Variants in AFG2A observed in about 807,000 individuals in gnomAD.
AFG2A encodes the protein AAA ATPase AFG2A.
At chr4:123,306,226 C>T in the AFG2A span, among the ~76,000 whole-genome samples, 3 of 152,278 alleles carry the variant, frequency 2.0e-5, no homozygotes, top group East Asian at 1.9e-4. Context: ...TCTTTTCCTA[C>T]GTCCTAGGAA....
the AFG2A span, among the ~76,000 whole-genome samples, chr4:123,227,177 A>AT: frequency 2.0e-5 from 3 of 152,006 alleles, no homozygotes; most frequent in Admixed American, 6.6e-5. Context: ...GGATTCATTG[A>AT]TTTTTTGAAA....
chr4:123,196,904 G>A, the AFG2A span, among the ~76,000 whole-genome samples: 2 of 152,126 alleles, frequency 1.3e-5, no homozygotes, highest in East Asian at 3.9e-4. Flanking sequence ...TGTATAAAAT[G>A]AGTTGAAAAG....
chr4:123,101,155 A>C, the AFG2A span, among the ~76,000 whole-genome samples: 2 of 151,914 alleles, frequency 1.3e-5, no homozygotes, highest in Non-Finnish European at 2.9e-5. Flanking sequence ...AATTGTTTAA[A>C]GTATCTAGTT....
the AFG2A span, among the ~76,000 whole-genome samples, chr4:123,136,440 G>A: frequency 6.6e-6 from 1 of 151,950 alleles, no homozygotes; most frequent in African/African-American, 2.4e-5. Flanking sequence ...AGGCCTAGAC[G>A]GGCGGATCAC....
chr4:122,958,031 A>G, the AFG2A span, among the ~76,000 whole-genome samples: 1 of 152,164 alleles, frequency 6.6e-6, no homozygotes, highest in African/African-American at 2.4e-5. Flanking sequence ...AGTTGAGCTT[A>G]GTTTTGTTTG....
the AFG2A span, chr4:123,028,053 A>T: frequency 2.8e-6 from 2 of 703,838 alleles, no homozygotes; most frequent in Non-Finnish European, 2.3e-6. Context: ...GGAATTTTTT[A>T]AAGGATTTTC....
At chr4:122,989,537 C>T in the AFG2A span, among the ~76,000 whole-genome samples, 5 of 152,134 alleles carry the variant, frequency 3.3e-5, no homozygotes, top group Non-Finnish European at 7.4e-5. Context: ...GCCTTGAATT[C>T]AGGACCATAG....
chr4:123,265,217 A>C, the AFG2A span, among the ~76,000 whole-genome samples: 2 of 152,086 alleles, frequency 1.3e-5, no homozygotes, highest in East Asian at 3.8e-4. Flanking sequence ...ATGCTTTTCA[A>C]CTTCCTTAAG....
the AFG2A span, among the ~76,000 whole-genome samples, chr4:123,082,270 T>G: frequency 6.6e-6 from 1 of 152,156 alleles, no homozygotes; most frequent in Non-Finnish European, 1.5e-5. Flanking sequence ...GTGTTTTACA[T>G]GTAGGTCTGT....
chr4:123,118,399 A>G, the AFG2A span, among the ~76,000 whole-genome samples: 3 of 146,886 alleles, frequency 2.0e-5, no homozygotes, highest in Middle Eastern at 3.2e-3. Flanking sequence ...CCAGTTATAT[A>G]CAATGCAGGA....
At chr4:123,007,594 G>GTGTGTGT in the AFG2A span, among the ~76,000 whole-genome samples, 9 of 23,722 alleles carry the variant, frequency 3.8e-4, no homozygotes, top group South Asian at 1.4e-3. Flanking sequence ...GTGTGTGTGT[G>GTGTGTGT]TGTGTGTGTG....
At chr4:123,167,257 TGTAG>T in the AFG2A span, among the ~76,000 whole-genome samples, 1 of 149,620 alleles carries the variant, frequency 6.7e-6, no homozygotes, top group Non-Finnish European at 1.5e-5. Context: ...TATACTTATA[TGTAG>T]GTATCTATAT....
chr4:122,927,682 G>A, the AFG2A span: 4 of 1,612,606 alleles, frequency 2.5e-6, no homozygotes, highest in East Asian at 8.9e-5. Flanking sequence ...ATTCATCTTG[G>A]ACTCAACACT....
the AFG2A span, among the ~76,000 whole-genome samples, chr4:123,134,670 A>G: frequency 5.3e-5 from 8 of 149,766 alleles, no homozygotes; most frequent in Non-Finnish European, 7.4e-5. Flanking sequence ...CATGTAACCT[A>G]GAAAAATGGA....
At chr4:123,262,384 A>G in the AFG2A span, among the ~76,000 whole-genome samples, 1 of 152,222 alleles carries the variant, frequency 6.6e-6, no homozygotes, top group African/African-American at 2.4e-5. Flanking sequence ...AAAGTCAAGC[A>G]AAAGAAATTG....
At chr4:123,216,083 G>T in the AFG2A span, among the ~76,000 whole-genome samples, 1 of 152,076 alleles carries the variant, frequency 6.6e-6, no homozygotes, top group Non-Finnish European at 1.5e-5. Context: ...TGGTAATTAA[G>T]TATTATAGAC....
chr4:123,254,440 C>A, the AFG2A span, among the ~76,000 whole-genome samples: 1 of 151,936 alleles, frequency 6.6e-6, no homozygotes, highest in Non-Finnish European at 1.5e-5. Context: ...TATCTTTATC[C>A]TCTAGATACT....
At chr4:123,058,951 C>A in the AFG2A span, among the ~76,000 whole-genome samples, 1 of 152,112 alleles carries the variant, frequency 6.6e-6, no homozygotes, top group Admixed American at 6.6e-5. Flanking sequence ...CAAGTCAAGT[C>A]CCTTCCACCT....
At chr4:122,935,626 A>G in the AFG2A span, 3 of 1,425,098 alleles carry the variant, frequency 2.1e-6, no homozygotes, top group Non-Finnish European at 2.8e-6. Flanking sequence ...GTAAAGTTAA[A>G]TTTTATAACT....
Sources: allele counts gnomAD v4.1 joint callset (sites outside exome capture counted in the v4.1 genomes callset), GRCh38; gene constraint gnomAD v4.1.1; transcripts MANE v1.5; gene names NCBI Gene and HGNC (gene_info 2026-07-23, HGNC 2026-07-21).